CNTNAP2: variants seen among roughly 807,000 people sequenced by gnomAD.
CNTNAP2 encodes contactin-associated protein-like 2.
In CNTNAP2, 98 loss-of-function variants were observed where a neutral mutation model predicts 155.2. That is an observed-to-expected ratio of 0.63 (90% confidence interval 0.54 to 0.75). CNTNAP2 has a LOEUF of 0.75. CNTNAP2 is among the 30% of genes least tolerant of loss of function. CNTNAP2 has a pLI of 0.00. For synonymous variants in CNTNAP2, 651 were observed against 631.2 expected (o/e 1.03, Z -0.47); for missense variants, 1,727 against 1,688.1 (o/e 1.02, Z -0.40).
At chr7:147,862,950 T>TAC (rs1799162541) in intron 13 of CNTNAP2, among the ~76,000 whole-genome samples, 1 of 151,382 alleles carries the variant, frequency 6.6e-6, no homozygotes, top group Non-Finnish European at 1.5e-5. Context: ...TATATATATA[T>TAC]TTTAAGTTCT....
At chr7:146,581,043 A>C (rs1798604207) in intron 1 of CNTNAP2, among the ~76,000 whole-genome samples, 1 of 152,152 alleles carries the variant, frequency 6.6e-6, no homozygotes, top group Non-Finnish European at 1.5e-5. Context: ...AATCATGATG[A>C]AGGCTAAAAT....
chr7:147,341,527 A>T (rs1054233253), intron 9 of CNTNAP2, among the ~76,000 whole-genome samples: 4 of 152,092 alleles, frequency 2.6e-5, no homozygotes, highest in African/African-American at 9.7e-5. Flanking sequence ...AGTTGGTTGA[A>T]CTTCTTATGA....
chr7:146,727,758 G>A (rs1002980602), intron 1 of CNTNAP2, among the ~76,000 whole-genome samples: 2 of 152,184 alleles, frequency 1.3e-5, no homozygotes, highest in Non-Finnish European at 2.9e-5. Flanking sequence ...GTAATTGTTA[G>A]TAGGAGAAAT....
chr7:147,370,415 G>A (rs1796322561), intron 9 of CNTNAP2, among the ~76,000 whole-genome samples: 1 of 152,126 alleles, frequency 6.6e-6, no homozygotes, highest in Non-Finnish European at 1.5e-5. Context: ...CACTTGCAGT[G>A]GTGTGCTGGA....
chr7:147,010,885 C>T (rs559679720), intron 3 of CNTNAP2, among the ~76,000 whole-genome samples: 7 of 152,072 alleles, frequency 4.6e-5, no homozygotes, highest in Non-Finnish European at 7.4e-5. Flanking sequence ...TACCTCCCCC[C>T]GCCCCAAATA....
At chr7:147,968,089 C>T (rs978539278) in intron 14 of CNTNAP2, among the ~76,000 whole-genome samples, 1 of 152,054 alleles carries the variant, frequency 6.6e-6, no homozygotes, top group Admixed American at 6.6e-5. Context: ...CACGTGGAGC[C>T]GGCCACTTTT....
At chr7:146,121,313 C>G (rs1797560327) in intron 1 of CNTNAP2, among the ~76,000 whole-genome samples, 1 of 151,386 alleles carries the variant, frequency 6.6e-6, no homozygotes, top group African/African-American at 2.4e-5. Context: ...TCTTGTGAAT[C>G]TTTTTTATGA....
chr7:148,063,002 C>G (rs1444251284), intron 15 of CNTNAP2, among the ~76,000 whole-genome samples: 1 of 151,970 alleles, frequency 6.6e-6, no homozygotes, highest in Non-Finnish European at 1.5e-5. Context: ...TAAGAGAATA[C>G]CATGAACAAA....
intron 9 of CNTNAP2, among the ~76,000 whole-genome samples, chr7:147,333,829 CA>C (rs1194894504): frequency 5.2e-4 from 79 of 152,118 alleles, no homozygotes; most frequent in African/African-American, 1.8e-3. Context: ...AGTAAAAATA[CA>C]GGCAGTCATG....
chr7:146,349,108 C>G (rs1794873482), intron 1 of CNTNAP2, among the ~76,000 whole-genome samples: 1 of 152,170 alleles, frequency 6.6e-6, no homozygotes, highest in Non-Finnish European at 1.5e-5. Flanking sequence ...TTAGGTCAGG[C>G]TTATTCAGGA....
intron 1 of CNTNAP2, among the ~76,000 whole-genome samples, chr7:146,452,349 C>G (rs1160532538): frequency 6.6e-6 from 1 of 152,060 alleles, no homozygotes; most frequent in East Asian, 1.9e-4. Flanking sequence ...TTAGTAATTT[C>G]CCAGTACATA....
intron 1 of CNTNAP2, among the ~76,000 whole-genome samples, chr7:146,691,457 T>G (rs1441842967): frequency 2.6e-5 from 4 of 152,124 alleles, no homozygotes; most frequent in African/African-American, 7.2e-5. Context: ...ACACAAGTTC[T>G]ATTATATAAT....
In CNTNAP2 at chr7:146,680,336, A is replaced by T. The variant is rs147138552; in HGVS notation, c.98-93935A>T. 5.3e-3 allele frequency among the ~76,000 whole-genome samples: 804 copies of T among 152,316 alleles called. 7 individuals carry two copies. The highest frequency in any genetic ancestry group is 0.016 in the South Asian group (78 of 4,816). ...AAAAAGCAAACAAAACCCCTAAACA[A>T]AAGCTAAAAGCTGAATTCTGTTCTT... is the stretch of plus-strand genomic sequence containing the variant. On this transcript the variant is annotated intron_variant, in intron 1 of 23. Coordinates refer to ENST00000361727, the MANE Select transcript of CNTNAP2 (RefSeq NM_014141.6).
intron 8 of CNTNAP2, among the ~76,000 whole-genome samples, chr7:147,250,254 G>T (rs1804166531): frequency 6.6e-6 from 1 of 152,116 alleles, no homozygotes; most frequent in Non-Finnish European, 1.5e-5. Flanking sequence ...ATTTGCAAAT[G>T]TTAAACTTGT....
At chr7:147,924,551 A>G (rs957531187) in intron 14 of CNTNAP2, among the ~76,000 whole-genome samples, 1 of 152,176 alleles carries the variant, frequency 6.6e-6, no homozygotes, top group African/African-American at 2.4e-5. Context: ...AGAGAGGATA[A>G]TTAACCTGCA....
chr7:146,956,507 A>G (rs1797440875), intron 3 of CNTNAP2, among the ~76,000 whole-genome samples: 3 of 152,180 alleles, frequency 2.0e-5, no homozygotes, highest in South Asian at 4.1e-4. Flanking sequence ...CCAAGTGTAC[A>G]TTGCAATTTG....
At chr7:146,873,686 G>A (rs1449470809) in intron 3 of CNTNAP2, among the ~76,000 whole-genome samples, 4 of 152,016 alleles carry the variant, frequency 2.6e-5, no homozygotes, top group Admixed American at 6.6e-5. Context: ...TTGTTTCGGG[G>A]AACTACAAGA....
intron 8 of CNTNAP2, among the ~76,000 whole-genome samples, chr7:147,213,939 A>G (rs1028822658): frequency 2.0e-5 from 3 of 152,136 alleles, no homozygotes; most frequent in Non-Finnish European, 4.4e-5. Context: ...AGAGGGCATC[A>G]CCTTTTTGTG....
At chr7:147,339,077 T>C (rs563371934) in intron 9 of CNTNAP2, among the ~76,000 whole-genome samples, 6 of 152,314 alleles carry the variant, frequency 3.9e-5, no homozygotes, top group South Asian at 4.1e-4. Flanking sequence ...CTATCATCAT[T>C]GAAATGTCTA....
Sources: gnomAD v4.1 joint callset for allele counts (sites outside exome capture counted in the v4.1 genomes callset) on GRCh38, gnomAD v4.1.1 for gene constraint, MANE v1.5 for transcripts, NCBI Gene and HGNC (gene_info 2026-07-23, HGNC 2026-07-21) for gene names.